Variants in CNTNAP5 observed in about 807,000 individuals in gnomAD.
The protein encoded by CNTNAP5 is contactin-associated protein-like 5.
A neutral mutation model predicts 150.2 loss-of-function variants in CNTNAP5; 72 were observed. The ratio of observed to expected loss-of-function variants is 0.48; its 90% CI spans 0.40 to 0.58. The LOEUF is 0.58. Ranked by LOEUF, CNTNAP5 falls within the 20% of genes least tolerant of loss-of-function variation. The probability of loss-of-function intolerance (pLI) is 0.00; values close to 1 mark genes in which losing one functional copy is unlikely to be tolerated. For synonymous variants in CNTNAP5, 672 were observed against 619.8 expected, an observed-to-expected ratio of 1.08 and a Z score of -1.25; for missense variants, 1,636 against 1,626.2, an observed-to-expected ratio of 1.01 and a Z score of -0.10.
At chr2:124,184,146 T>C (rs556935272) in intron 1 of CNTNAP5, among the ~76,000 whole-genome samples, 18 of 152,266 alleles carry the variant, frequency 1.2e-4, no homozygotes, top group African/African-American at 4.3e-4. Context: ...CCAAGACATA[T>C]ACACAAGATG....
chr2:124,767,519 A>G (rs1681093528), intron 16 of CNTNAP5, among the ~76,000 whole-genome samples: 1 of 152,184 alleles, frequency 6.6e-6, no homozygotes, highest in Non-Finnish European at 1.5e-5. Context: ...TCAGTCTGGC[A>G]TAGTGGAAAG....
At chr2:124,537,843 T>G (rs1230815788) in intron 10 of CNTNAP5, among the ~76,000 whole-genome samples, 1 of 152,170 alleles carries the variant, frequency 6.6e-6, no homozygotes, top group Non-Finnish European at 1.5e-5. Flanking sequence ...ATTATCTTGA[T>G]GAAATGGTCC....
intron 19 of CNTNAP5, among the ~76,000 whole-genome samples, chr2:124,847,130 C>T (rs1457305606): frequency 6.6e-6 from 1 of 152,156 alleles, no homozygotes; most frequent in African/African-American, 2.4e-5. Flanking sequence ...TTAGGAACAC[C>T]TGGCTGAGTA....
At position 124,424,629 on chromosome 2, in the gene CNTNAP5, A is replaced by C. The variant is rs572367453; in HGVS notation, c.529+7039A>C. Reference sequence around the variant, plus strand: ...GAATAACAACACTAAAATAAAAGACACTGTGATCTTCCATCTTAAATCAAT... The same window carrying C: ...GAATAACAACACTAAAATAAAAGACCCTGTGATCTTCCATCTTAAATCAAT... On this transcript the variant is annotated intron_variant, in intron 4 of 23. Transcript: ENST00000682447. Among the ~76,000 whole-genome samples the C allele has an allele frequency of 3.9e-5, 6 of 152,264 alleles. No individual in the cohort carries two copies. The South Asian group carries it at 1.2e-3, about 32-fold the overall frequency.
rs1005781767 is a variant in CNTNAP5 at position 124,524,558 on chromosome 2, C to T, written c.1477+106C>T. 1.8e-5 allele frequency: 19 copies of T among 1,085,236 alleles called. No homozygotes were observed. The African/African-American group carries it at 2.7e-4, about 15-fold the overall frequency. 67.2% of individuals were successfully genotyped at this position (1,085,236 alleles called of 1,614,324 possible). On this transcript the variant is annotated intron_variant, in intron 9 of 23. Coordinates refer to ENST00000682447, the MANE Select transcript of CNTNAP5 (RefSeq NM_001367498.1). ...GGTTTGGTCAATTAGACAATTCTCCCAACACACAAACACACACACACATGC... is the reference window on the plus strand; with the variant it reads ...GGTTTGGTCAATTAGACAATTCTCCTAACACACAAACACACACACACATGC...
intron 1 of CNTNAP5, among the ~76,000 whole-genome samples, chr2:124,175,277 C>G (rs1010867671): frequency 6.6e-6 from 1 of 152,164 alleles, no homozygotes; most frequent in African/African-American, 2.4e-5. Context: ...TAGCACCCTA[C>G]TTTTGTTCAA....
intron 21 of CNTNAP5, among the ~76,000 whole-genome samples, chr2:124,878,685 T>A (rs1434342928): frequency 6.6e-6 from 1 of 151,232 alleles, no homozygotes; most frequent in Non-Finnish European, 1.5e-5. Flanking sequence ...TTTATTTTTT[T>A]ATTTGTTGTT....
intron 3 of CNTNAP5, among the ~76,000 whole-genome samples, chr2:124,271,363 T>G (rs1308778772): frequency 2.6e-5 from 4 of 151,982 alleles, no homozygotes; most frequent in African/African-American, 9.7e-5. Context: ...TGGAGGGGCA[T>G]GTCTGGGCCA....
At chr2:124,417,768 G>T (rs7562617) in intron 4 of CNTNAP5, among the ~76,000 whole-genome samples, 178 bp downstream of exon 4, 21,842 of 152,156 alleles carry the variant, frequency 0.14, 1,782 homozygotes, top group Non-Finnish European at 0.19. Context: ...TTCTACTTAG[G>T]ACTGTAGGAA....
At chr2:124,449,696 C>T (rs955976645) in intron 6 of CNTNAP5, among the ~76,000 whole-genome samples, 2 of 152,254 alleles carry the variant, frequency 1.3e-5, no homozygotes, top group Non-Finnish European at 2.9e-5. Context: ...CACCTTGAAA[C>T]GTTTCTCTGA....
At chr2:124,877,526 A>G (rs1186480732) in intron 21 of CNTNAP5, among the ~76,000 whole-genome samples, 4 of 152,136 alleles carry the variant, frequency 2.6e-5, no homozygotes. Flanking sequence ...CATGACTCTC[A>G]TTGATATAAA....
chr2:124,735,033 G>T (rs968307410), intron 13 of CNTNAP5, among the ~76,000 whole-genome samples: 1 of 151,972 alleles, frequency 6.6e-6, no homozygotes, highest in Non-Finnish European at 1.5e-5. Context: ...CCATATCCTG[G>T]GTAAAATGCA....
At chr2:124,904,088 A>G (rs909369722) in intron 22 of CNTNAP5, among the ~76,000 whole-genome samples, 1 of 147,262 alleles carries the variant, frequency 6.8e-6, no homozygotes, top group East Asian at 2.0e-4. Flanking sequence ...ACCAAAATGT[A>G]TCATCTTCTG....
At chr2:124,437,188 C>A (rs1292715041) in intron 5 of CNTNAP5, among the ~76,000 whole-genome samples, 16 of 152,150 alleles carry the variant, frequency 1.1e-4, no homozygotes, top group Admixed American at 1.0e-3. Context: ...GTACTTGAGG[C>A]AGATTGAGTA....
chr2:124,486,052 G>A (rs1285656844), intron 7 of CNTNAP5, among the ~76,000 whole-genome samples: 1 of 152,030 alleles, frequency 6.6e-6, no homozygotes, highest in African/African-American at 2.4e-5. Flanking sequence ...TATAGAACCA[G>A]CCTAAATGCC....
chr2:124,874,027 T>TTTTG (rs370711834), intron 21 of CNTNAP5, among the ~76,000 whole-genome samples: 139 of 152,072 alleles, frequency 9.1e-4, no homozygotes, highest in African/African-American at 2.9e-3. Context: ...TAAAGCAGTT[T>TTTTG]TTTGTTTGTT....
Position 124,610,176 on chromosome 2 carries a change from T to G in CNTNAP5, c.1876+256T>G, listed in dbSNP as rs533722929. 2.0e-4 allele frequency among the ~76,000 whole-genome samples: 31 copies of G among 152,318 alleles called. No individual in the cohort carries two copies. In the South Asian group the frequency reaches 3.1e-3, roughly 15 times the overall value. ...CAAGAATTAATTATCAGTGGTTTTC[T>G]TTAGGGCCTCCAAGGGCATTTTCTC... On this transcript the variant is annotated intron_variant, in intron 12 of 23. Transcript: ENST00000682447.
Position 124,354,712 on chromosome 2 carries a change from C to G in CNTNAP5, c.382-62731C>G, listed in dbSNP as rs1689955426. 1.3e-5 allele frequency among the ~76,000 whole-genome samples: 2 copies of G among 152,140 alleles called. 1 individual carries two copies. The highest frequency in any genetic ancestry group is 1.3e-4 in the Admixed American group (2 of 15,258). On this transcript the variant is annotated intron_variant, in intron 3 of 23. Coordinates refer to ENST00000682447, the MANE Select transcript of CNTNAP5 (RefSeq NM_001367498.1). ...TTCCTGGGGCAAGGTCTAAGCCACT[C>G]TTGCTTATTCTGAGTATTGTTTAAC...
At chr2:124,607,991 G>A (rs1009127178) in intron 11 of CNTNAP5, among the ~76,000 whole-genome samples, 16 of 152,178 alleles carry the variant, frequency 1.1e-4, no homozygotes, top group African/African-American at 3.9e-4. Flanking sequence ...AATGCCATGA[G>A]AACAAGGATA....
Sources: gnomAD v4.1 joint callset for allele counts (sites outside exome capture counted in the v4.1 genomes callset) on GRCh38, gnomAD v4.1.1 for gene constraint, MANE v1.5 for transcripts, NCBI Gene and HGNC (gene_info 2026-07-23, HGNC 2026-07-21) for gene names.